RYR2: variants seen among roughly 807,000 people sequenced by gnomAD.
RYR2 encodes ryanodine receptor 2.
Under a neutral mutation model 601.1 loss-of-function variants are expected in RYR2, and 227 were observed. That is an observed-to-expected ratio of 0.38 (90% CI 0.34 to 0.42). The LOEUF (loss-of-function observed/expected upper bound fraction) is 0.42, where lower values mean the gene tolerates loss of function less well. Among genes scored for constraint, RYR2 ranks in the 10% least tolerant of loss-of-function variants. The probability of loss-of-function intolerance (pLI) is 1.00; values close to 1 mark genes in which losing one functional copy is unlikely to be tolerated. For synonymous variants in RYR2, 2,223 were observed against 2,175.1 expected, an observed-to-expected ratio of 1.02 and a Z score of -0.61; for missense variants, 4,646 against 6,156.5, an observed-to-expected ratio of 0.75 and a Z score of 8.21.
intron 100 of RYR2, among the ~76,000 whole-genome samples, chr1:237,809,698 G>A (rs544234170): frequency 5.9e-5 from 9 of 152,226 alleles, no homozygotes; most frequent in Non-Finnish European, 1.2e-4. Flanking sequence ...TACATCATTT[G>A]TGTTGGGGAT....
chr1:237,623,980 T>G (rs1396168077), intron 39 of RYR2, 110 bp downstream of exon 39: 5 of 697,924 alleles, frequency 7.2e-6, no homozygotes, highest in Non-Finnish European at 1.2e-5. Context: ...ACACGATACC[T>G]GTTAGAAAGT....
rs963883576 is a variant in RYR2, at chr1:237,565,252, C to G, written c.3215-1315C>G. Among the ~76,000 whole-genome samples the G allele has an allele frequency of 2.1e-5, 3 of 143,078 alleles. No homozygotes were observed. The Admixed American group carries it at 2.2e-4, about 11-fold the overall frequency. The allele number at this position is 143,078 out of a possible 152,430, so 93.9% of individuals were successfully genotyped here. ...TGTCTTTCTTTCTTTCTCTCTCTCTCTTTCTTTCTCTTTGTTTGTTTGTTT... is the reference window on the plus strand; with the variant it reads ...TGTCTTTCTTTCTTTCTCTCTCTCTGTTTCTTTCTCTTTGTTTGTTTGTTT... On this transcript the variant is annotated intron_variant, in intron 27 of 104. Transcript: ENST00000366574.
rs184231366 is a variant in RYR2, at chr1:237,357,455, C to A, written c.294+1470C>A. On this transcript the variant is annotated intron_variant, in intron 4 of 104. Coordinates refer to ENST00000366574, the MANE Select transcript of RYR2 (RefSeq NM_001035.3). ...TGTGCCATATCTGGATTGGTATTGACCAACCACTCAAGCTGCTTTTACTTA... is the reference window on the plus strand; with the variant it reads ...TGTGCCATATCTGGATTGGTATTGAACAACCACTCAAGCTGCTTTTACTTA... Among the ~76,000 whole-genome samples the A allele has an allele frequency of 9.5e-4, 144 of 152,284 alleles. 1 individual carries two copies. Among genetic ancestry groups the A allele is most frequent in the African/African-American group, 2.8e-3 (115 of 41,562 alleles).
intron 75 of RYR2, among the ~76,000 whole-genome samples, chr1:237,726,826 A>T (rs982061950): frequency 6.6e-6 from 1 of 152,128 alleles, no homozygotes; most frequent in Non-Finnish European, 1.5e-5. Context: ...AGTACACAGT[A>T]TTGGGAAAAT....
intron 77 of RYR2, among the ~76,000 whole-genome samples, 151 bp from the exon 78 acceptor site, chr1:237,731,891 TACAC>T (rs71561898): frequency 1.8e-3 from 259 of 147,402 alleles, no homozygotes; most frequent in South Asian, 7.4e-3. Context: ...GCATATAAAA[TACAC>T]ACACACACAC....
At chr1:237,653,424 A>G (rs1338485131) in intron 51 of RYR2, among the ~76,000 whole-genome samples, 3 of 152,250 alleles carry the variant, frequency 2.0e-5, no homozygotes, top group Admixed American at 1.3e-4. Flanking sequence ...TTAAATTATT[A>G]GTAAATGATT....
intron 29 of RYR2, among the ~76,000 whole-genome samples, chr1:237,578,143 G>A (rs1411464742): frequency 2.0e-5 from 3 of 152,084 alleles, no homozygotes; most frequent in African/African-American, 7.2e-5. Flanking sequence ...GATTGTGTCT[G>A]TAGAGCTTTT....
At chr1:237,620,512 G>C (rs981270226) in intron 38 of RYR2, among the ~76,000 whole-genome samples, 2 of 152,188 alleles carry the variant, frequency 1.3e-5, no homozygotes, top group East Asian at 1.9e-4. Context: ...GAAATTGGCA[G>C]AGTGAATTTA....
intron 1 of RYR2, among the ~76,000 whole-genome samples, chr1:237,216,851 T>A (rs1683234408): frequency 6.6e-6 from 1 of 152,018 alleles, no homozygotes; most frequent in Non-Finnish European, 1.5e-5. Flanking sequence ...TTTGAAGCAT[T>A]TAAGTTAGGG....
intron 1 of RYR2, among the ~76,000 whole-genome samples, chr1:237,149,995 A>G (rs1674529694): frequency 6.6e-6 from 1 of 152,224 alleles, no homozygotes; most frequent in South Asian, 2.1e-4. Context: ...AGTAACTGCT[A>G]CTGCTGTTGT....
At chr1:237,801,286 T>G (rs1352765405) in intron 97 of RYR2, among the ~76,000 whole-genome samples, 1 of 149,146 alleles carries the variant, frequency 6.7e-6, no homozygotes, top group Admixed American at 6.7e-5. Flanking sequence ...ATCCCAGCAC[T>G]TCGGGAGGCC....
At chr1:237,514,779 G>T (rs1364848344) in intron 24 of RYR2, among the ~76,000 whole-genome samples, 1 of 152,102 alleles carries the variant, frequency 6.6e-6, no homozygotes, top group Non-Finnish European at 1.5e-5. Context: ...CTTCTCCTTA[G>T]TAGAATGAGG....
intron 2 of RYR2, among the ~76,000 whole-genome samples, chr1:237,277,775 G>A (rs1690439516): frequency 6.6e-6 from 1 of 151,868 alleles, no homozygotes; most frequent in Non-Finnish European, 1.5e-5. Flanking sequence ...AGCCGAGATC[G>A]TACCACTGCA....
intron 17 of RYR2, among the ~76,000 whole-genome samples, chr1:237,473,446 T>TTTCTTTCTTTCTTTCTTTCTTTCTTTC (rs1558878452): frequency 3.5e-5 from 5 of 144,556 alleles, no homozygotes; most frequent in African/African-American, 1.0e-4. Context: ...TCTTTCTTTC[T>TTTCTTTCTTTCTTTCTTTCTTTCTTTC]TTCTTTCTTT....
At chr1:237,095,369 A>C (rs1317808391) in intron 1 of RYR2, among the ~76,000 whole-genome samples, 9 of 152,166 alleles carry the variant, frequency 5.9e-5, no homozygotes, top group Non-Finnish European at 1.0e-4. Context: ...GCCGTGCAGC[A>C]CTGTTGTGAC....
chr1:237,465,580 C>T (rs1247843194), intron 16 of RYR2, among the ~76,000 whole-genome samples: 1 of 152,166 alleles, frequency 6.6e-6, no homozygotes, highest in Admixed American at 6.5e-5. Flanking sequence ...CGTGTTATAG[C>T]CTATTGCACA....
chr1:237,467,858 C>CTTT (rs199646421), intron 16 of RYR2, among the ~76,000 whole-genome samples: 53 of 123,608 alleles, frequency 4.3e-4, no homozygotes, highest in Non-Finnish European at 7.3e-4. Context: ...ATTTTCTCTG[C>CTTT]TTTTTTTTTT....
intron 20 of RYR2, 82 bp from the exon 21 acceptor site, chr1:237,500,629 C>A: frequency 8.1e-7 from 1 of 1,238,802 alleles, no homozygotes; most frequent in Non-Finnish European, 1.1e-6. Context: ...ACTACTTATT[C>A]AAATCTTTTG....
rs565681784 is a variant in RYR2, at chr1:237,667,610, A to T, written c.8515-273A>T. Among the ~76,000 whole-genome samples, 19 of 152,340 alleles carry T rather than the reference A, an allele frequency of 1.2e-4. No homozygotes were observed. In the East Asian group the frequency reaches 3.1e-3, roughly 25 times the overall value. ...AATACAAATAGTTTTTCTGAAGTCC[A>T]TAGCTATTTTGGTTTCATTATTGAA... On this transcript the variant is annotated intron_variant, in intron 57 of 104. Coordinates refer to ENST00000366574, the MANE Select transcript of RYR2 (RefSeq NM_001035.3).
Sources: allele counts gnomAD v4.1 joint callset (sites outside exome capture counted in the v4.1 genomes callset), GRCh38; gene constraint gnomAD v4.1.1; transcripts MANE v1.5; gene names NCBI Gene and HGNC (gene_info 2026-07-23, HGNC 2026-07-21).